Variants in GPSM2 observed in about 807,000 individuals in gnomAD.
The protein encoded by GPSM2 is G protein signaling modulator 2, also known as G protein-signaling modulator 2.
A neutral mutation model predicts 78.4 loss-of-function variants in GPSM2; 58 were observed. The observed-to-expected ratio is 0.74, with a 90% CI of 0.60 to 0.92. The LOEUF (loss-of-function observed/expected upper bound fraction) is 0.92. Among genes scored for constraint, GPSM2 ranks in the 40% least tolerant of loss-of-function variants. GPSM2 has a pLI of 0.00. For missense variants in GPSM2, 700 were observed against 815.5 expected (o/e 0.86, Z 1.73); for synonymous variants, 224 against 280.2 (o/e 0.80, Z 2.00).
At position 108,897,531 on chromosome 1, in the gene GPSM2, T is replaced by C. The variant is rs746426382; in HGVS notation, c.318T>C (p.Gly106=). ...AGCTGGGGGAAGCGAAAGCTAGTGG[T>C]AATCTGGGAAACACCTTAAAAGTTC... ...GDQLGEAKAS[G]NLGNTLKVLG... is the part of the protein sequence containing the mutation. Residue 106 remains glycine (G), a synonymous_variant, in exon 4 of 15, where the codon GGT becomes GGC. Coordinates refer to ENST00000264126, the MANE Select transcript of GPSM2 (RefSeq NM_013296.5). The C allele has an allele frequency of 6.2e-6, 10 of 1,613,840 alleles. No individual in the cohort carries two copies. Among genetic ancestry groups the C allele is most frequent in the Non-Finnish European group, 5.9e-6 (7 of 1,179,824 alleles).
intron 11 of GPSM2, among the ~76,000 whole-genome samples, chr1:108,917,993 C>CT (rs1361590308): frequency 6.6e-6 from 1 of 151,990 alleles, no homozygotes; most frequent in Non-Finnish European, 1.5e-5. Context: ...TTTAGACTTA[C>CT]TTGTAAACAT....
rs1345128572 is a variant in GPSM2, at chr1:108,934,101, A to T, written c.*4161A>T. 6.6e-6 allele frequency: 1 copy of T among 152,346 alleles called. No homozygotes were observed. Among genetic ancestry groups the T allele is most frequent in the African/African-American group, 2.4e-5 (1 of 41,468 alleles). The allele number at this position is 152,346 out of a possible 1,614,324, so 9.4% of individuals were successfully genotyped here. A position where few individuals can be genotyped will look rare whatever the true frequency, so the allele number is the denominator to read the frequency against. ...CAGTTTTCTCTAAGTAAACAAAGTA[A>T]AAGGAACAATAAGGATGCAGGCGTA... On this transcript the variant is annotated 3_prime_UTR_variant, in exon 15 of 15. Coordinates refer to ENST00000264126, the MANE Select transcript of GPSM2 (RefSeq NM_013296.5).
intron 10 of GPSM2, among the ~76,000 whole-genome samples, chr1:108,907,844 A>T (rs1222215820): frequency 6.6e-6 from 1 of 152,158 alleles, no homozygotes; most frequent in Non-Finnish European, 1.5e-5. Context: ...ATGGGAGTTA[A>T]GCTTAGTCAC....
At chr1:108,922,747 T>C (rs763681742) in intron 13 of GPSM2, among the ~76,000 whole-genome samples, 171 bp downstream of exon 13, 2 of 152,216 alleles carry the variant, frequency 1.3e-5, no homozygotes, top group African/African-American at 2.4e-5. Context: ...TCAGTTCCCT[T>C]ACGTATATCT....
intron 2 of GPSM2, among the ~76,000 whole-genome samples, chr1:108,895,765 A>G (rs1262247925): frequency 6.6e-6 from 1 of 152,168 alleles, no homozygotes; most frequent in Non-Finnish European, 1.5e-5. Flanking sequence ...AAAGTACACA[A>G]TAAATGTAAT....
At chr1:108,895,089 T>C (rs1259783207) in intron 2 of GPSM2, among the ~76,000 whole-genome samples, 1 of 152,152 alleles carries the variant, frequency 6.6e-6, no homozygotes. Flanking sequence ...AAGCACTGAT[T>C]CTCAACCCTA....
chr1:108,881,612 T>A (rs1040682225), intron 1 of GPSM2, among the ~76,000 whole-genome samples: 2 of 152,212 alleles, frequency 1.3e-5, no homozygotes, highest in African/African-American at 4.8e-5. Flanking sequence ...TATTTTTTTG[T>A]GTGAAGTGCT....
chr1:108,885,236 A>G (rs533143846), intron 1 of GPSM2, 39 bp from the exon 2 acceptor site: 5 of 306,852 alleles, frequency 1.6e-5, no homozygotes, highest in Middle Eastern at 1.0e-3. Context: ...TTCTTTGAAA[A>G]TAGGACTTCA....
intron 1 of GPSM2, among the ~76,000 whole-genome samples, chr1:108,879,399 T>C (rs1665784605): frequency 1.3e-5 from 2 of 152,220 alleles, no homozygotes; most frequent in Non-Finnish European, 2.9e-5. Context: ...TATTCAGTAG[T>C]TGTTTCTGGA....
In GPSM2 at chr1:108,931,545, G is replaced by A. The variant is rs907020868; in HGVS notation, c.*1605G>A. ...TTTCAAAAAGTCATTCAGGTGATTT[G>A]GATGGGCAAATAGAACTATTTCTCT... On this transcript the variant is annotated 3_prime_UTR_variant, in exon 15 of 15. Transcript: ENST00000264126. The A allele has an allele frequency of 1.3e-6, 2 of 1,499,620 alleles. No individual in the cohort carries two copies. Among genetic ancestry groups the A allele is most frequent in the African/African-American group, 2.8e-5 (2 of 70,722 alleles). The allele number at this position is 1,499,620 out of a possible 1,614,324, so 92.9% of individuals were successfully genotyped here. A position where few individuals can be genotyped will look rare whatever the true frequency, so the allele number is the denominator to read the frequency against.
intron 11 of GPSM2, 125 bp downstream of exon 11, chr1:108,914,533 TAAAA>T: frequency 1.4e-6 from 1 of 691,758 alleles, no homozygotes; most frequent in Non-Finnish European, 2.4e-6. Flanking sequence ...AATTTGCCTG[TAAAA>T]AAAAAGTCAG....
Position 108,931,158 on chromosome 1 carries a change from A to T in GPSM2, c.*1218A>T. On this transcript the variant is annotated 3_prime_UTR_variant, in exon 15 of 15. Coordinates refer to ENST00000264126, the MANE Select transcript of GPSM2 (RefSeq NM_013296.5). ...GTAAAACAAACTTTTCTAAGTTCTA[A>T]TATAAAAACAAAAAACAAAACCCAT... 1 of 662,394 alleles carries T rather than the reference A, an allele frequency of 1.5e-6. No homozygotes were observed. The highest frequency in any genetic ancestry group is 2.3e-6 in the Non-Finnish European group (1 of 426,478). The allele number at this position is 662,394 out of a possible 1,614,324, so 41.0% of individuals were successfully genotyped here.
intron 1 of GPSM2, among the ~76,000 whole-genome samples, chr1:108,883,269 A>G (rs1647260219): frequency 6.6e-6 from 1 of 152,104 alleles, no homozygotes; most frequent in South Asian, 2.1e-4. Flanking sequence ...TCTGTTCCCT[A>G]TTAACTTCTA....
chr1:108,901,252 G>T (rs1322270785), intron 7 of GPSM2, among the ~76,000 whole-genome samples: 2 of 152,178 alleles, frequency 1.3e-5, no homozygotes, highest in African/African-American at 4.8e-5. Context: ...CAATACCACA[G>T]GTAGAATTTG....
chr1:108,901,944 AG>A lies in GPSM2; in HGVS notation c.953+1del. On this transcript the variant is annotated frameshift_variant and splice_region_variant, in exon 8 of 15. Transcript: ENST00000264126. LOFTEE classifies it high-confidence loss of function. ...AGCAATTGCTCAAGAGCTGAATGATAGGTATGTTTTACGTCTTTTTACCATA... is the reference window on the plus strand; with the variant it reads ...AGCAATTGCTCAAGAGCTGAATGATAGTATGTTTTACGTCTTTTTACCATA... Reference protein sequence around the residue: ...HLAIAQELNDRIGEGRACWSL... With the variant: ...HLAIAQELNDXIGEGRACWSL... 6.2e-7 allele frequency: 1 copy of A among 1,604,076 alleles called. No homozygotes were observed. Among genetic ancestry groups the A allele is most frequent in the South Asian group, 1.1e-5 (1 of 90,850 alleles).
At position 108,931,816 on chromosome 1, in the gene GPSM2, TTATTTGTACACAAAGTACAAATTTG is replaced by T. The variant is rs965441995; in HGVS notation, c.*1898_*1922del. 5.2e-4 allele frequency: 96 copies of T among 183,768 alleles called. No individual in the cohort carries two copies. Among genetic ancestry groups the T allele is most frequent in the East Asian group, 2.7e-3 (19 of 7,012 alleles). 11.4% of individuals were successfully genotyped at this position (183,768 alleles called of 1,614,324 possible). A position where few individuals can be genotyped will look rare whatever the true frequency, so the allele number is the denominator to read the frequency against. Reference sequence around the variant, plus strand: ...AGTTTGTGTATACAAACTTTTTGTATTATTTGTACACAAAGTACAAATTTGTATTTGTACACAAAGTACAAACTTT... The same window carrying T: ...AGTTTGTGTATACAAACTTTTTGTATTATTTGTACACAAAGTACAAACTTT... On this transcript the variant is annotated 3_prime_UTR_variant, in exon 15 of 15. Coordinates refer to ENST00000264126, the MANE Select transcript of GPSM2 (RefSeq NM_013296.5).
intron 11 of GPSM2, among the ~76,000 whole-genome samples, chr1:108,916,743 A>C (rs572173314): frequency 6.6e-6 from 1 of 152,246 alleles, no homozygotes; most frequent in African/African-American, 2.4e-5. Context: ...TTAATGTAAA[A>C]TATGTTTAAG....
At chr1:108,919,851 A>C (rs1650565361) in intron 12 of GPSM2, among the ~76,000 whole-genome samples, 1 of 152,224 alleles carries the variant, frequency 6.6e-6, no homozygotes, top group African/African-American at 2.4e-5. Flanking sequence ...TACATTACAA[A>C]GAAGGTACTT....
chr1:108,926,060 G>T (rs1349271419), intron 14 of GPSM2, among the ~76,000 whole-genome samples: 1 of 152,194 alleles, frequency 6.6e-6, no homozygotes, highest in Non-Finnish European at 1.5e-5. Context: ...ATTGGAGTTG[G>T]GGAGCACTAT....
Sources: gnomAD v4.1 joint callset for allele counts (sites outside exome capture counted in the v4.1 genomes callset) on GRCh38, gnomAD v4.1.1 for gene constraint, MANE v1.5 for transcripts, NCBI Gene and HGNC (gene_info 2026-07-23, HGNC 2026-07-21) for gene names.